The following RORA variants were observed in gnomAD, a reference collection of about 807,000 sequenced individuals.
RORA encodes nuclear receptor ROR-alpha.
In RORA, 7 loss-of-function variants were observed where a neutral mutation model predicts 69.5. The ratio of observed to expected loss-of-function variants is 0.10; its 90% CI spans 0.06 to 0.19. The LOEUF is 0.19. Among genes scored for constraint, RORA ranks in the 10% least tolerant of loss-of-function variants. The pLI, the probability that RORA is intolerant of heterozygous loss-of-function variation, is 1.00. For synonymous variants in RORA, 261 were observed against 240.8 expected, an observed-to-expected ratio of 1.08 and a Z score of -0.78; for missense variants, 457 against 663.0, an observed-to-expected ratio of 0.69 and a Z score of 3.41.
At chr15:61,050,632 G>A (rs1279678160) in intron 1 of RORA, among the ~76,000 whole-genome samples, 1 of 152,174 alleles carries the variant, frequency 6.6e-6, no homozygotes, top group Non-Finnish European at 1.5e-5. Context: ...AAGAATGCAA[G>A]CATGTGTAAG....
At chr15:61,161,186 T>C (rs1242209573) in intron 1 of RORA, among the ~76,000 whole-genome samples, 4 of 152,288 alleles carry the variant, frequency 2.6e-5, no homozygotes, top group South Asian at 4.1e-4. Context: ...GTGGATCCCA[T>C]ATGAAGTCTC....
chr15:60,920,084 T>A, intron 1 of RORA, among the ~76,000 whole-genome samples: 1 of 152,180 alleles, frequency 6.6e-6, no homozygotes, highest in East Asian at 1.9e-4. Context: ...TCTTCCTTTA[T>A]CAGCTCCCTC....
At chr15:60,744,191 G>A (rs547245470) in intron 1 of RORA, among the ~76,000 whole-genome samples, 18 of 152,060 alleles carry the variant, frequency 1.2e-4, no homozygotes, top group South Asian at 4.2e-4. Context: ...AAAATCTGCC[G>A]TAAGCTGTGG....
At chr15:60,674,756 T>C (rs910204761) in intron 2 of RORA, among the ~76,000 whole-genome samples, 6 of 152,206 alleles carry the variant, frequency 3.9e-5, no homozygotes, top group Non-Finnish European at 8.8e-5. Context: ...TTTGGGTTTT[T>C]ATTGGGGAAA....
chr15:60,895,185 C>G (rs574032812), intron 1 of RORA, among the ~76,000 whole-genome samples: 1 of 152,288 alleles, frequency 6.6e-6, no homozygotes, highest in South Asian at 2.1e-4. Context: ...GAAATGAAAT[C>G]CAGGTCCTTG....
Position 60,884,202 on chromosome 15 carries a change from A to AAG in RORA, c.167-205518_167-205517dup, listed in dbSNP as rs570842239. 1.1e-4 allele frequency among the ~76,000 whole-genome samples: 17 copies of AAG among 151,012 alleles called. No individual in the cohort carries two copies. In the South Asian group the frequency reaches 2.3e-3, roughly 20 times the overall value. ...GAAAAAAAAGGATCCCAAAGAGAGA[A>AAG]AGAGAGAGAGAGAGAGAAGGACAAG... On this transcript the variant is annotated intron_variant, in intron 1 of 10. Transcript: ENST00000335670.
intron 1 of RORA, among the ~76,000 whole-genome samples, chr15:60,904,179 T>G (rs1891467626): frequency 6.6e-6 from 1 of 152,242 alleles, no homozygotes; most frequent in Non-Finnish European, 1.5e-5. Context: ...CTATCCTCCT[T>G]AAGATATATC....
intron 1 of RORA, among the ~76,000 whole-genome samples, chr15:60,817,271 A>G (rs2072831714): frequency 6.6e-6 from 1 of 152,214 alleles, no homozygotes; most frequent in Admixed American, 6.5e-5. Flanking sequence ...AGTGCATCGA[A>G]AAGTTATGTT....
intron 1 of RORA, among the ~76,000 whole-genome samples, chr15:61,078,866 T>C (rs1217098750): frequency 5.3e-5 from 8 of 152,202 alleles, no homozygotes; most frequent in Non-Finnish European, 8.8e-5. Context: ...CTGCCACATA[T>C]TGGACAATGA....
chr15:60,935,727 C>T (rs1892500894), intron 1 of RORA, among the ~76,000 whole-genome samples: 1 of 152,178 alleles, frequency 6.6e-6, no homozygotes, highest in Non-Finnish European at 1.5e-5. Context: ...ATAAATAAAA[C>T]ATCAGACTCA....
chr15:60,853,565 T>G (rs1035211863), intron 1 of RORA, among the ~76,000 whole-genome samples: 1 of 151,998 alleles, frequency 6.6e-6, no homozygotes, highest in African/African-American at 2.4e-5. Context: ...AAGGAGAAAA[T>G]AGCGATTAAA....
chr15:60,994,936 G>T (rs1894487416), intron 1 of RORA, among the ~76,000 whole-genome samples: 1 of 152,104 alleles, frequency 6.6e-6, no homozygotes, highest in Non-Finnish European at 1.5e-5. Context: ...AACTTTAAAA[G>T]GGAAAGAAAG....
At chr15:60,685,294 C>T (rs1306040162) in intron 1 of RORA, among the ~76,000 whole-genome samples, 2 of 152,222 alleles carry the variant, frequency 1.3e-5, no homozygotes, top group African/African-American at 4.8e-5. Flanking sequence ...ATCCGCTGTG[C>T]TCTCCTTACT....
chr15:60,666,144 A>G (rs2070377568), intron 2 of RORA, among the ~76,000 whole-genome samples: 1 of 151,074 alleles, frequency 6.6e-6, no homozygotes, highest in Non-Finnish European at 1.5e-5. Flanking sequence ...TCACTCTGTT[A>G]AGCCCAAGGG....
At chr15:61,029,624 A>C (rs1432288596) in intron 1 of RORA, among the ~76,000 whole-genome samples, 1 of 152,150 alleles carries the variant, frequency 6.6e-6, no homozygotes, top group Non-Finnish European at 1.5e-5. Context: ...CGAAGTGAAG[A>C]GATTAGAAAG....
Position 61,081,807 on chromosome 15 carries a change from CA to C in RORA, c.166+147245del, listed in dbSNP as rs59591650. ...TAGGCAACAGAGCAAGACTCTGTCT[CA>C]AAAAAAAAAAAAAAAGAAAGAAAGA... On this transcript the variant is annotated intron_variant, in intron 1 of 10. Transcript: ENST00000335670. 6.1e-3 allele frequency among the ~76,000 whole-genome samples: 642 copies of C among 105,618 alleles called. 2 individuals carry two copies. Among genetic ancestry groups the C allele is most frequent in the African/African-American group, 0.016 (457 of 28,910 alleles). The allele number at this position is 105,618 out of a possible 152,430, so 69.3% of individuals were successfully genotyped here.
intron 2 of RORA, among the ~76,000 whole-genome samples, chr15:60,564,990 G>A (rs1317663807): frequency 6.6e-6 from 1 of 151,992 alleles, no homozygotes; most frequent in African/African-American, 2.4e-5. Flanking sequence ...TTGTGAGCTC[G>A]GTAAATGTTA....
chr15:60,737,475 C>A (rs1325665856), intron 1 of RORA, among the ~76,000 whole-genome samples: 1 of 152,152 alleles, frequency 6.6e-6, no homozygotes, highest in Non-Finnish European at 1.5e-5. Flanking sequence ...TACCTGGGAA[C>A]TAGGTTAGAA....
chr15:60,829,419 T>C (rs1320931070), intron 1 of RORA, among the ~76,000 whole-genome samples: 1 of 152,166 alleles, frequency 6.6e-6, no homozygotes, highest in Non-Finnish European at 1.5e-5. Flanking sequence ...TTAGAGGTTT[T>C]AACTTCCACC....
Sources: gnomAD v4.1 joint callset for allele counts (sites outside exome capture counted in the v4.1 genomes callset) on GRCh38, gnomAD v4.1.1 for gene constraint, MANE v1.5 for transcripts, NCBI Gene and HGNC (gene_info 2026-07-23, HGNC 2026-07-21) for gene names.